The following IQGAP1 variants were observed in gnomAD, a reference collection of about 807,000 sequenced individuals.
IQGAP1 encodes ras GTPase-activating-like protein IQGAP1.
IQGAP1 carries 66 observed loss-of-function variants against 215.6 expected under a neutral mutation model. The observed-to-expected ratio is 0.31, with a 90% confidence interval of 0.25 to 0.38. The LOEUF (loss-of-function observed/expected upper bound fraction) is 0.38, where lower values mean the gene tolerates loss of function less well. Among genes scored for constraint, IQGAP1 ranks in the 10% least tolerant of loss-of-function variants. The probability of loss-of-function intolerance (pLI) is 1.00; values close to 1 mark genes in which losing one functional copy is unlikely to be tolerated. For missense variants in IQGAP1, 1,712 were observed against 1,997.1 expected, an observed-to-expected ratio of 0.86 and a Z score of 2.72; for synonymous variants, 772 against 728.7, an observed-to-expected ratio of 1.06 and a Z score of -0.96.
chr15:90,429,382 C>CTA (rs1965271383), intron 3 of IQGAP1, among the ~76,000 whole-genome samples: 1 of 152,150 alleles, frequency 6.6e-6, no homozygotes, highest in African/African-American at 2.4e-5. Flanking sequence ...GTTGAGCACA[C>CTA]TATACACAAG....
intron 2 of IQGAP1, among the ~76,000 whole-genome samples, chr15:90,416,203 A>G (rs530841618): frequency 4.7e-5 from 7 of 149,516 alleles, no homozygotes; most frequent in Non-Finnish European, 8.9e-5. Flanking sequence ...CCAGTGTGTG[A>G]TGTTCCCATG....
chr15:90,407,289 A>G (rs1964893230), intron 2 of IQGAP1, among the ~76,000 whole-genome samples: 1 of 152,246 alleles, frequency 6.6e-6, no homozygotes, highest in African/African-American at 2.4e-5. Flanking sequence ...CTGAGGCTAT[A>G]TAAAATGGAA....
At position 90,477,689 on chromosome 15, in the gene IQGAP1, G is replaced by A. The variant is rs966021807; in HGVS notation, c.3129G>A (p.Glu1043=). The A allele has an allele frequency of 3.7e-6, 6 of 1,613,564 alleles. No individual in the cohort carries two copies. Among genetic ancestry groups the A allele is most frequent in the Non-Finnish European group, 5.1e-6 (6 of 1,179,654 alleles). The change falls in exon 26 of 38, where the codon GAG becomes GAA. Residue 1043 remains glutamate, a synonymous_variant. Coordinates refer to ENST00000268182, the MANE Select transcript of IQGAP1 (RefSeq NM_003870.4). ...GGTCGAAGGTAGATCAGATTCAAGA[G>A]ATTGTGACAGGAAATCCTACGGTTA... ...EIKSKVDQIQ[E]IVTGNPTVIK... is the part of the protein sequence containing the mutation.
At chr15:90,477,953 CTCTT>C in intron 26 of IQGAP1, 64 bp downstream of exon 26, 18 of 1,045,000 alleles carry the variant, frequency 1.7e-5, no homozygotes, top group South Asian at 1.6e-4. Flanking sequence ...TTTTTCCCCT[CTCTT>C]TATTTATAAA....
intron 14 of IQGAP1, among the ~76,000 whole-genome samples, chr15:90,454,849 A>T (rs1179383329): frequency 6.6e-6 from 1 of 152,216 alleles, no homozygotes; most frequent in Non-Finnish European, 1.5e-5. Context: ...TGAATTGCAC[A>T]GGTTGTAGGC....
Position 90,466,315 on chromosome 15 carries a change from T to C in IQGAP1, c.1914T>C (p.Asp638=). The C allele has an allele frequency of 6.2e-7, 1 of 1,614,182 alleles. No individual in the cohort carries two copies. The highest frequency in any genetic ancestry group is 8.5e-7 in the Non-Finnish European group (1 of 1,180,024). The stretch of plus-strand genomic sequence containing the variant: ...TTAATGAGGCAGTAGAAAGTGGTGA[T>C]GTTGGCAAAACACTGAGTGCCCTTC... ...FAINEAVESG[D]VGKTLSALRS... Residue 638 remains aspartate, a synonymous_variant, in exon 17 of 38, where the codon GAT becomes GAC. Transcript: ENST00000268182.
At chr15:90,436,640 G>A (rs751859495) in intron 5 of IQGAP1, among the ~76,000 whole-genome samples, 17 of 152,212 alleles carry the variant, frequency 1.1e-4, no homozygotes, top group Non-Finnish European at 2.1e-4. Flanking sequence ...ACAGGCTGAC[G>A]CATTATAGTG....
chr15:90,461,599 G>A (rs1398001504), intron 15 of IQGAP1, among the ~76,000 whole-genome samples: 2 of 152,172 alleles, frequency 1.3e-5, no homozygotes, highest in Non-Finnish European at 2.9e-5. Flanking sequence ...GGCACTTTGG[G>A]AGGTCAAGGC....
chr15:90,458,812 A>ATT, intron 15 of IQGAP1, among the ~76,000 whole-genome samples: 1 of 152,182 alleles, frequency 6.6e-6, no homozygotes, highest in Admixed American at 6.5e-5. Flanking sequence ...CACAGCATCA[A>ATT]GTGACATTCT....
chr15:90,440,527 T>G lies in IQGAP1; in HGVS notation c.561T>G (p.Thr187=), dbSNP rs778787568. Residue 187 remains threonine, a synonymous_variant, in exon 7 of 38, where the codon ACT becomes ACG. Coordinates refer to ENST00000268182, the MANE Select transcript of IQGAP1 (RefSeq NM_003870.4). ...AAGAAGAAATCAACAACATGAAGAC[T>G]GAGTTGGAGAAGTATGGCATCCAGA... The part of the protein sequence containing the change: ...FTEEEINNMK[T]ELEKYGIQMP... 18 of 1,566,928 alleles carry G rather than the reference T, an allele frequency of 1.1e-5. 1 individual carries two copies. In the South Asian group the frequency reaches 1.9e-4, roughly 16 times the overall value.
chr15:90,406,726 T>G (rs1964883889), intron 2 of IQGAP1, among the ~76,000 whole-genome samples: 1 of 152,218 alleles, frequency 6.6e-6, no homozygotes, highest in Admixed American at 6.5e-5. Context: ...TCTAGAGAGA[T>G]AGTTAATATA....
Position 90,474,567 on chromosome 15 carries a change from G to T in IQGAP1, c.2658G>T (p.Glu886Asp). 6.2e-7 allele frequency: 1 copy of T among 1,614,176 alleles called. No homozygotes were observed. Among genetic ancestry groups the T allele is most frequent in the Non-Finnish European group, 8.5e-7 (1 of 1,179,998 alleles). The stretch of plus-strand genomic sequence containing the variant: ...AAAGTGACCAGGATTTTCAGGAGGA[G>T]CTTGACCTTATGAAGATGCGGGAAG... ...LDQSDQDFQE[E>D]LDLMKMREEV... The change falls in exon 23 of 38, where the codon GAG becomes GAT. Residue 886 changes from glutamate to aspartate, a missense_variant. By Grantham distance (45) the Glu-to-Asp change is conservative (BLOSUM62 2). Transcript: ENST00000268182.
At chr15:90,426,408 T>C (rs572499117) in intron 3 of IQGAP1, 142 bp downstream of exon 3, 169 of 848,758 alleles carry the variant, frequency 2.0e-4, no homozygotes, top group Non-Finnish European at 2.7e-4. Flanking sequence ...CCTGGCAGAA[T>C]GGAGAAATTT....
At chr15:90,415,437 A>G (rs1268457060) in intron 2 of IQGAP1, among the ~76,000 whole-genome samples, 2 of 152,114 alleles carry the variant, frequency 1.3e-5, no homozygotes, top group Admixed American at 6.5e-5. Flanking sequence ...ATACTAGCCA[A>G]TTTATCTTTT....
chr15:90,388,346 C>T lies in IQGAP1; in HGVS notation c.5C>T (p.Ser2Phe), dbSNP rs557742415. Residue 2 changes from serine (S) to phenylalanine (F), a missense_variant, in exon 1 of 38, where the codon TCC becomes TTC. Ser to Phe is a radical substitution (Grantham distance 155). This residue lies in a region of IQGAP1 where 1,021 missense variants were observed against 1,074.2 expected (regional missense o/e 0.95). Transcript: ENST00000268182. ...AGAGACTCGGGCTCGTCCGCCATGT[C>T]CGCCGCAGACGAGGTTGACGGGCTG... is the stretch of plus-strand genomic sequence containing the variant. M[S>F]AADEVDGLGV... is the part of the protein sequence containing the mutation. 1.3e-6 allele frequency: 2 copies of T among 1,596,662 alleles called. No individual in the cohort carries two copies. The highest frequency in any genetic ancestry group is 4.7e-5 in the East Asian group (2 of 42,790).
intron 5 of IQGAP1, among the ~76,000 whole-genome samples, chr15:90,435,107 G>C (rs1211098470): frequency 6.6e-6 from 1 of 152,202 alleles, no homozygotes; most frequent in African/African-American, 2.4e-5. Context: ...ATTGGAATCA[G>C]TGTGAAACAT....
chr15:90,487,417 C>T, intron 32 of IQGAP1, 78 bp from the exon 33 acceptor site: 2 of 1,006,392 alleles, frequency 2.0e-6, no homozygotes, highest in Non-Finnish European at 3.1e-6. Context: ...TGTGCTGCTG[C>T]TGCTGCTGCT....
intron 34 of IQGAP1, 32 bp from the exon 35 acceptor site, chr15:90,492,513 T>A (rs368610416): frequency 9.0e-6 from 14 of 1,563,722 alleles, no homozygotes; most frequent in Admixed American, 5.7e-5. Context: ...ATAACTGTCG[T>A]TATTTTTCTA....
At position 90,388,380 on chromosome 15, in the gene IQGAP1, C is replaced by G. The variant is rs1159238305; in HGVS notation, c.39C>G (p.Ala13=). The G allele has an allele frequency of 1.1e-5, 17 of 1,590,830 alleles. No individual in the cohort carries two copies. Among genetic ancestry groups the G allele is most frequent in the Non-Finnish European group, 1.5e-5 (17 of 1,170,636 alleles). The change falls in exon 1 of 38, where the codon GCC becomes GCG. Residue 13 remains alanine, a synonymous_variant. Transcript: ENST00000268182. ...ACGAGGTTGACGGGCTGGGCGTGGC[C>G]CGGCCGCACTATGGCTGTGAGTGCG... The part of the protein sequence containing the change: ...AADEVDGLGV[A]RPHYGSVLDN...
Sources: allele counts gnomAD v4.1 joint callset (sites outside exome capture counted in the v4.1 genomes callset), GRCh38; gene constraint gnomAD v4.1.1; regional missense constraint gnomAD v4.1.1; transcripts MANE v1.5; gene names NCBI Gene and HGNC (gene_info 2026-07-23, HGNC 2026-07-21).